RPS29: variants seen among roughly 807,000 people sequenced by gnomAD.
RPS29 encodes the protein ribosomal protein S29, also known as small ribosomal subunit protein uS14.
For synonymous variants in RPS29, 37 were observed against 26.9 expected, an observed-to-expected ratio of 1.37 and a Z score of -1.16; for missense variants, 60 against 75.7, an observed-to-expected ratio of 0.79 and a Z score of 0.77.
upstream of RPS29, among the ~76,000 whole-genome samples, chr14:49,590,852 A>C (rs7152223): frequency 6.6e-6 from 1 of 151,794 alleles, no homozygotes; most frequent in Non-Finnish European, 1.5e-5. Flanking sequence ...CACCACTCCC[A>C]GCTAATTTTT....
At position 49,583,678 on chromosome 14, in the gene RPS29, GA is replaced by G. The variant is rs373877728; in HGVS notation, c.163-4del. On this transcript the variant is annotated splice_region_variant and splice_polypyrimidine_tract_variant and intron_variant, in intron 2 of 2. Coordinates refer to ENST00000245458, the MANE Select transcript of RPS29 (RefSeq NM_001032.5). ...TGAAGGAAGAGCATTTAGTCCAACT[GA>G]AAAAAAAAAAGCAGATGATTTATTT... 20,626 of 1,085,416 alleles carry G rather than the reference GA, an allele frequency of 0.019. No homozygotes were observed. Among genetic ancestry groups the G allele is most frequent in the Admixed American group, 0.022 (866 of 39,716 alleles). 67.2% of individuals were successfully genotyped at this position (1,085,416 alleles called of 1,614,324 possible). A position where few individuals can be genotyped will look rare whatever the true frequency, so the allele number is the denominator to read the frequency against.
downstream of RPS29, among the ~76,000 whole-genome samples, chr14:49,582,827 T>C (rs553763845): frequency 4.6e-5 from 7 of 152,336 alleles, no homozygotes; most frequent in South Asian, 1.5e-3. Flanking sequence ...CCACCTGCAT[T>C]ACCAATGTTA....
upstream of RPS29, among the ~76,000 whole-genome samples, chr14:49,587,538 G>A (rs1325100160): frequency 1.3e-5 from 2 of 152,156 alleles, no homozygotes; most frequent in African/African-American, 4.8e-5. Context: ...GGGTTCTAGT[G>A]GGGTCCCCCT....
chr14:49,576,757 T>C (rs1881193414), exon 3 of RPS29: 1 of 152,168 alleles, frequency 6.6e-6, no homozygotes, highest in Admixed American at 6.6e-5. Context: ...TACTTTCTCA[T>C]GGTAGTGAGT....
chr14:49,581,640 A>T (rs560902913), downstream of RPS29, among the ~76,000 whole-genome samples: 1 of 152,192 alleles, frequency 6.6e-6, no homozygotes, highest in African/African-American at 2.4e-5. Context: ...AGGCCTCCCC[A>T]AGTGCTGGGA....
downstream of RPS29, among the ~76,000 whole-genome samples, chr14:49,582,937 T>C (rs764634258): frequency 6.6e-6 from 1 of 152,182 alleles, no homozygotes; most frequent in Non-Finnish European, 1.5e-5. Flanking sequence ...AATACGCACA[T>C]GCACACATTG....
chr14:49,596,778 CTTTTT>C (rs35726560), intron 1 of RPS29, among the ~76,000 whole-genome samples: 8 of 133,926 alleles, frequency 6.0e-5, no homozygotes, highest in Non-Finnish European at 8.1e-5. Context: ...GAGATTGAGG[CTTTTT>C]TTTTTTTTTT....
At chr14:49,582,507 C>T (rs1369356859), downstream of RPS29, among the ~76,000 whole-genome samples, 1 of 152,100 alleles carries the variant, frequency 6.6e-6, no homozygotes, top group Non-Finnish European at 1.5e-5. Context: ...TTTTAACCTG[C>T]TTTTTTTCAA....
At chr14:49,597,281 C>G (rs576328526) in intron 1 of RPS29, among the ~76,000 whole-genome samples, 1 of 152,182 alleles carries the variant, frequency 6.6e-6, no homozygotes, top group South Asian at 2.1e-4. Context: ...TAATCTCGAA[C>G]TTCTGGGCTA....
upstream of RPS29, among the ~76,000 whole-genome samples, chr14:49,590,325 A>C (rs1055025241): frequency 6.6e-6 from 1 of 151,988 alleles, no homozygotes; most frequent in Non-Finnish European, 1.5e-5. Flanking sequence ...AAAATACAAA[A>C]ATTAGCCAGG....
At chr14:49,581,220 A>T (rs1040602185), downstream of RPS29, among the ~76,000 whole-genome samples, 1 of 152,132 alleles carries the variant, frequency 6.6e-6, no homozygotes, top group African/African-American at 2.4e-5. Context: ...ATTGGCAAAG[A>T]TAATTTAGCT....
At chr14:49,588,225 G>C (rs1301727840), upstream of RPS29, among the ~76,000 whole-genome samples, 1 of 152,160 alleles carries the variant, frequency 6.6e-6, no homozygotes, top group Non-Finnish European at 1.5e-5. Context: ...TGGGCCTAAA[G>C]AAGTGAATTC....
downstream of RPS29, chr14:49,583,475 C>A: frequency 1.9e-6 from 1 of 526,814 alleles, no homozygotes; most frequent in Non-Finnish European, 3.2e-6. Context: ...CACTGCACTC[C>A]AGCCTGGCGA....
chr14:49,574,076 C>A (rs894655905), exon 3 of RPS29: 2 of 152,188 alleles, frequency 1.3e-5, no homozygotes, highest in African/African-American at 2.4e-5. Context: ...GAAACAAAAA[C>A]CTCCTTTGGC....
downstream of RPS29, among the ~76,000 whole-genome samples, chr14:49,583,267 C>A (rs1236466285): frequency 1.3e-5 from 2 of 152,148 alleles, no homozygotes; most frequent in African/African-American, 2.4e-5. Flanking sequence ...TAAAGGATTT[C>A]TTGCCGGGTG....
At chr14:49,583,128 C>A (rs1881392127), downstream of RPS29, among the ~76,000 whole-genome samples, 1 of 152,050 alleles carries the variant, frequency 6.6e-6, no homozygotes, top group Non-Finnish European at 1.5e-5. Flanking sequence ...CCTGAACCTG[C>A]CAGGTTTTGT....
chr14:49,574,658 C>T (rs1881132494), exon 3 of RPS29: 1 of 152,180 alleles, frequency 6.6e-6, no homozygotes, highest in African/African-American at 2.4e-5. Context: ...AATGCACTCC[C>T]TTTCCTATTT....
At chr14:49,577,806 T>C in exon 3 of RPS29, 1 of 1,602,256 alleles carries the variant, frequency 6.2e-7, no homozygotes, top group Non-Finnish European at 8.5e-7. Context: ...ATGGAGGAGA[T>C]GGGTGTCACC....
upstream of RPS29, among the ~76,000 whole-genome samples, chr14:49,587,906 AG>A (rs1356869809): frequency 9.8e-5 from 15 of 152,362 alleles, no homozygotes; most frequent in African/African-American, 3.6e-4. Flanking sequence ...GCTTGAGCCA[AG>A]GTAAGGTGAA....
Sources: allele counts gnomAD v4.1 joint callset (sites outside exome capture counted in the v4.1 genomes callset), GRCh38; gene constraint gnomAD v4.1.1; transcripts MANE v1.5; gene names NCBI Gene and HGNC (gene_info 2026-07-23, HGNC 2026-07-21).